Variants in STPG2 observed in about 807,000 individuals in gnomAD.
STPG2 encodes sperm tail PG-rich repeat containing 2, also known as sperm-tail PG-rich repeat-containing protein 2.
In STPG2, 56 loss-of-function variants were observed where a neutral mutation model predicts 54.2. The ratio of observed to expected loss-of-function variants is 1.03; its 90% CI spans 0.83 to 1.29. STPG2 has a LOEUF of 1.29. Among genes scored for constraint, STPG2 ranks in the 50% most tolerant of loss-of-function variants. The pLI, the probability that STPG2 is intolerant of heterozygous loss-of-function variation, is 0.00. For missense variants in STPG2, 596 were observed against 544.9 expected (o/e 1.09, Z -0.93); for synonymous variants, 200 against 181.8 (o/e 1.10, Z -0.81).
rs576110389 is a variant in STPG2, at chr4:98,094,842, T to C, written c.612+11111A>G. Reference sequence around the variant, plus strand: ...GAGTGCTAGCTTAGCCACAGTATAATAGAACATCAGGTAAATTCCCAAACA... The same window carrying C: ...GAGTGCTAGCTTAGCCACAGTATAACAGAACATCAGGTAAATTCCCAAACA... On this transcript the variant is annotated intron_variant, in intron 5 of 10. Transcript: ENST00000295268. Among the ~76,000 whole-genome samples, 10 of 152,296 alleles carry C rather than the reference T, an allele frequency of 6.6e-5. No individual in the cohort carries two copies. The East Asian group carries it at 1.9e-3, about 29-fold the overall frequency.
chr4:97,891,820 A>G (rs908274872), intron 8 of STPG2, among the ~76,000 whole-genome samples: 2 of 152,182 alleles, frequency 1.3e-5, no homozygotes, highest in African/African-American at 4.8e-5. Context: ...TAATACAGCA[A>G]TATTTCATTT....
At chr4:97,485,699 A>C (rs1294262031) in intron 4 of STPG2, among the ~76,000 whole-genome samples, 2 of 151,848 alleles carry the variant, frequency 1.3e-5, no homozygotes, top group Non-Finnish European at 2.9e-5. Context: ...CAGAATTATA[A>C]AAAAAATTAA....
intron 9 of STPG2, among the ~76,000 whole-genome samples, chr4:97,752,080 A>G (rs1380604384): frequency 6.6e-6 from 1 of 151,756 alleles, no homozygotes; most frequent in African/African-American, 2.4e-5. Context: ...TGAAGAAATC[A>G]CTTCTTATAC....
intron 10 of STPG2, among the ~76,000 whole-genome samples, chr4:97,588,437 G>C (rs1221617631): frequency 6.6e-6 from 1 of 151,910 alleles, no homozygotes; most frequent in Non-Finnish European, 1.5e-5. Flanking sequence ...TTGAATATGA[G>C]ATATGAACAG....
chr4:97,871,763 A>C (rs963445390), intron 8 of STPG2, among the ~76,000 whole-genome samples: 13 of 151,126 alleles, frequency 8.6e-5, no homozygotes, highest in African/African-American at 3.1e-4. Context: ...AAGGCATAGA[A>C]AATGAAGAAC....
chr4:97,727,464 T>C (rs1170956431), intron 9 of STPG2, among the ~76,000 whole-genome samples: 4 of 151,884 alleles, frequency 2.6e-5, no homozygotes, highest in Non-Finnish European at 4.4e-5. Flanking sequence ...TTATCAGCCA[T>C]ACACAAAAAA....
chr4:97,909,552 GT>G (rs1459065093), intron 8 of STPG2, among the ~76,000 whole-genome samples: 1 of 151,912 alleles, frequency 6.6e-6, no homozygotes, highest in Non-Finnish European at 1.5e-5. Context: ...AGAAACAAAA[GT>G]CCTAAATAAA....
chr4:97,611,517 A>G (rs913463681), intron 10 of STPG2, among the ~76,000 whole-genome samples: 3 of 152,044 alleles, frequency 2.0e-5, no homozygotes, highest in African/African-American at 7.2e-5. Context: ...TAAAAAATAT[A>G]TTACATTTAG....
At chr4:97,681,189 G>A (rs1235848256) in intron 10 of STPG2, among the ~76,000 whole-genome samples, 1 of 151,566 alleles carries the variant, frequency 6.6e-6, no homozygotes, top group African/African-American at 2.4e-5. Flanking sequence ...AAAAGTGAAA[G>A]GTCTAAGAAA....
At chr4:97,534,822 G>A (rs986565957) in intron 4 of STPG2, among the ~76,000 whole-genome samples, 4 of 152,086 alleles carry the variant, frequency 2.6e-5, no homozygotes, top group Non-Finnish European at 2.9e-5. Flanking sequence ...TCTGCTTCCT[G>A]TGCTCATAAT....
intron 4 of STPG2, among the ~76,000 whole-genome samples, chr4:97,487,785 G>A (rs1225915388): frequency 6.6e-6 from 1 of 151,018 alleles, no homozygotes; most frequent in African/African-American, 2.4e-5. Flanking sequence ...TCCATTAATG[G>A]TACATAAAAA....
chr4:98,050,333 G>A (rs1737277311), intron 5 of STPG2, among the ~76,000 whole-genome samples: 1 of 152,162 alleles, frequency 6.6e-6, no homozygotes, highest in Non-Finnish European at 1.5e-5. Flanking sequence ...ATAAAACATG[G>A]TTGACCATGA....
chr4:97,672,791 C>T (rs559887064), intron 10 of STPG2, among the ~76,000 whole-genome samples: 16 of 152,258 alleles, frequency 1.1e-4, no homozygotes, highest in African/African-American at 3.4e-4. Flanking sequence ...TCTTGTCACA[C>T]GAAGGCACGT....
chr4:97,743,404 A>G (rs1435108425), intron 9 of STPG2, among the ~76,000 whole-genome samples: 2 of 151,760 alleles, frequency 1.3e-5, no homozygotes, highest in East Asian at 1.9e-4. Flanking sequence ...TCACTTACAT[A>G]GACTTATTGT....
intron 8 of STPG2, among the ~76,000 whole-genome samples, chr4:97,911,773 G>T (rs1394169670): frequency 4.6e-5 from 7 of 152,124 alleles, no homozygotes; most frequent in Non-Finnish European, 8.8e-5. Context: ...GCCGGCTGTG[G>T]AGAGTCTGGG....
intron 8 of STPG2, among the ~76,000 whole-genome samples, chr4:97,878,482 T>G (rs1730257130): frequency 6.6e-6 from 1 of 151,784 alleles, no homozygotes; most frequent in Admixed American, 6.5e-5. Flanking sequence ...GCCCCTTTTG[T>G]GCAACCCATA....
chr4:97,709,763 T>A (rs1724054581), intron 10 of STPG2, among the ~76,000 whole-genome samples: 1 of 151,834 alleles, frequency 6.6e-6, no homozygotes, highest in Non-Finnish European at 1.5e-5. Context: ...AAACAGTTTT[T>A]TGGTCAAGAG....
chr4:97,841,007 T>C (rs1307596288), intron 8 of STPG2, 75 bp from the exon 9 acceptor site: 2 of 1,427,810 alleles, frequency 1.4e-6, no homozygotes, highest in Non-Finnish European at 1.9e-6. Context: ...AGATGGATGG[T>C]TACAGTAAGC....
In STPG2 at chr4:97,782,599, G is replaced by A. The variant is rs534572230; in HGVS notation, c.1204+58174C>T. ...AACTACTTTAAAGTTCATGTGAAAC[G>A]AAAAAAGCGCCTGCATTGCCAAGAC... is the stretch of plus-strand genomic sequence containing the variant. On this transcript the variant is annotated intron_variant, in intron 9 of 10. Coordinates refer to ENST00000295268, the MANE Select transcript of STPG2 (RefSeq NM_174952.3). Among the ~76,000 whole-genome samples the A allele has an allele frequency of 3.9e-5, 6 of 152,028 alleles. No homozygotes were observed. In the South Asian group the frequency reaches 1.0e-3, roughly 26 times the overall value.
Sources: gnomAD v4.1 joint callset for allele counts (sites outside exome capture counted in the v4.1 genomes callset) on GRCh38, gnomAD v4.1.1 for gene constraint, MANE v1.5 for transcripts, NCBI Gene and HGNC (gene_info 2026-07-23, HGNC 2026-07-21) for gene names.